LAMA4: variants seen among roughly 807,000 people sequenced by gnomAD.
The protein encoded by LAMA4 is laminin subunit alpha-4.
A neutral mutation model predicts 207.1 loss-of-function variants in LAMA4; 127 were observed. The ratio of observed to expected loss-of-function variants is 0.61; its 90% confidence interval spans 0.53 to 0.71. LAMA4 has a LOEUF of 0.71. Ranked by LOEUF, LAMA4 falls within the 30% of genes least tolerant of loss-of-function variation. LAMA4 has a pLI of 0.00. For synonymous variants in LAMA4, 761 were observed against 816.0 expected (o/e 0.93, Z 1.15); for missense variants, 2,093 against 2,246.5 (o/e 0.93, Z 1.38).
intron 14 of LAMA4, among the ~76,000 whole-genome samples, chr6:112,156,400 T>C (rs782626938): frequency 7.9e-5 from 12 of 152,212 alleles, no homozygotes; most frequent in Admixed American, 2.0e-4. Context: ...AAATGCTTGG[T>C]ATACCATGCC....
At chr6:112,155,818 T>C in intron 14 of LAMA4, 112 bp from the exon 15 acceptor site, 1 of 1,275,470 alleles carries the variant, frequency 7.8e-7, no homozygotes, top group Admixed American at 1.7e-5. Flanking sequence ...TCCTTCCTGT[T>C]ATTCAAAGTC....
At chr6:112,111,629 G>A (rs1777701125) in intron 38 of LAMA4, among the ~76,000 whole-genome samples, 1 of 152,218 alleles carries the variant, frequency 6.6e-6, no homozygotes, top group Non-Finnish European at 1.5e-5. Context: ...TCATCTTAAA[G>A]TATAGTTGCT....
At chr6:112,186,932 T>G (rs1782719937) in intron 8 of LAMA4, 2 of 452,724 alleles carry the variant, frequency 4.4e-6, no homozygotes, top group Non-Finnish European at 8.8e-6. Context: ...AAGGTGTGTG[T>G]GAATGTCTGC....
At chr6:112,198,877 A>C (rs956584809) in intron 5 of LAMA4, among the ~76,000 whole-genome samples, 4 of 152,142 alleles carry the variant, frequency 2.6e-5, no homozygotes, top group Admixed American at 2.6e-4. Flanking sequence ...GTATTATCTC[A>C]TAACAGTTTT....
At chr6:112,216,136 T>C (rs1784613525) in intron 3 of LAMA4, among the ~76,000 whole-genome samples, 1 of 152,192 alleles carries the variant, frequency 6.6e-6, no homozygotes, top group African/African-American at 2.4e-5. Context: ...CTGAGGGTGG[T>C]GGGGCAGGAG....
intron 2 of LAMA4, among the ~76,000 whole-genome samples, chr6:112,224,725 G>T (rs1175439852): frequency 6.6e-6 from 1 of 151,138 alleles, no homozygotes; most frequent in Admixed American, 6.6e-5. Flanking sequence ...CTGAGGCAGG[G>T]GAATCACTTG....
At chr6:112,197,051 T>G (rs1783463560) in intron 5 of LAMA4, among the ~76,000 whole-genome samples, 1 of 152,190 alleles carries the variant, frequency 6.6e-6, no homozygotes, top group Non-Finnish European at 1.5e-5. Context: ...TTCCATAGGA[T>G]TTTTGGGGCT....
At chr6:112,159,055 C>T (rs1780897408) in intron 13 of LAMA4, 175 bp from the exon 14 acceptor site, 2 of 593,734 alleles carry the variant, frequency 3.4e-6, no homozygotes, top group Admixed American at 2.9e-5. Context: ...GCATTGCCAG[C>T]TCTTTCTTCT....
chr6:112,251,227 T>C (rs1426811416), intron 2 of LAMA4: 2 of 152,228 alleles, frequency 1.3e-5, no homozygotes, highest in African/African-American at 4.8e-5. Flanking sequence ...GACTTCCTTT[T>C]TGGTCAGCCA....
At chr6:112,148,835 A>G (rs574563056) in intron 17 of LAMA4, among the ~76,000 whole-genome samples, 184 of 151,898 alleles carry the variant, frequency 1.2e-3, no homozygotes, top group Non-Finnish European at 3.2e-4. Context: ...AGGGGATGGG[A>G]TTATAGGTGA....
At chr6:112,127,158 T>C (rs1778744511) in intron 31 of LAMA4, among the ~76,000 whole-genome samples, 1 of 152,116 alleles carries the variant, frequency 6.6e-6, no homozygotes, top group South Asian at 2.1e-4. Flanking sequence ...GCTTATTATA[T>C]GTCAGGGAAC....
chr6:112,115,328 C>T (rs1457989048), intron 36 of LAMA4, among the ~76,000 whole-genome samples: 1 of 152,100 alleles, frequency 6.6e-6, no homozygotes, highest in Non-Finnish European at 1.5e-5. Context: ...GTTAAGTTAG[C>T]AGCATCAATG....
Position 112,122,050 on chromosome 6 carries a change from T to G in LAMA4, c.4439A>C (p.Gln1480Pro). 6.2e-7 allele frequency: 1 copy of G among 1,614,022 alleles called. No individual in the cohort carries two copies. The highest frequency in any genetic ancestry group is 8.5e-7 in the Non-Finnish European group (1 of 1,179,928). The change falls in exon 32 of 39, where the codon CAA becomes CCA. Residue 1480 changes from glutamine to proline, a missense_variant. This residue lies in a region of LAMA4 where 383 missense variants were observed against 437.8 expected (regional missense o/e 0.87). Coordinates refer to ENST00000230538, the MANE Select transcript of LAMA4 (RefSeq NM_001105206.3). Reference sequence around the variant, plus strand: ...ATCTCCTTTTAAGTGTTCAAACTCTTGGCGGCTGTTGGCTGTTCCTCCATA... The same window carrying G: ...ATCTCCTTTTAAGTGTTCAAACTCTGGGCGGCTGTTGGCTGTTCCTCCATA... ...YQYGGTANSR[Q>P]EFEHLKGDFG...
rs1340648146 is a variant in LAMA4, at chr6:112,108,909, C to T, written c.*528G>A. On this transcript the variant is annotated 3_prime_UTR_variant, in exon 39 of 39. Coordinates refer to ENST00000230538, the MANE Select transcript of LAMA4 (RefSeq NM_001105206.3). Reference sequence around the variant, plus strand: ...TTACTTTATTAAACCTTGATAACTTCAGCTATAAACCTAAAATATTCTTCT... The same window carrying T: ...TTACTTTATTAAACCTTGATAACTTTAGCTATAAACCTAAAATATTCTTCT... 1 of 152,958 alleles carries T rather than the reference C, an allele frequency of 6.5e-6. No homozygotes were observed. The highest frequency in any genetic ancestry group is 1.5e-5 in the Non-Finnish European group (1 of 68,622). 9.5% of individuals were successfully genotyped at this position (152,958 alleles called of 1,614,324 possible). A position where few individuals can be genotyped will look rare whatever the true frequency, so the allele number is the denominator to read the frequency against.
Position 112,158,895 on chromosome 6 carries a change from T to G in LAMA4, c.1669-15A>C. On this transcript the variant is annotated splice_polypyrimidine_tract_variant and intron_variant, in intron 13 of 38. Coordinates refer to ENST00000230538, the MANE Select transcript of LAMA4 (RefSeq NM_001105206.3). ...CCTGACGCATTCTAAAGAAAAAAATTTTAATAAATACATTGAATTTAGAAG... is the reference window on the plus strand; with the variant it reads ...CCTGACGCATTCTAAAGAAAAAAATGTTAATAAATACATTGAATTTAGAAG... 1 of 1,561,014 alleles carries G rather than the reference T, an allele frequency of 6.4e-7. No individual in the cohort carries two copies. Among genetic ancestry groups the G allele is most frequent in the Non-Finnish European group, 8.8e-7 (1 of 1,133,074 alleles).
chr6:112,213,195 C>T (rs917369942), intron 3 of LAMA4, among the ~76,000 whole-genome samples: 7 of 152,150 alleles, frequency 4.6e-5, no homozygotes, highest in African/African-American at 1.7e-4. Flanking sequence ...GGTCATTGGG[C>T]TCCTGGCTTT....
chr6:112,140,680 C>T, intron 22 of LAMA4, 80 bp downstream of exon 22: 1 of 1,354,736 alleles, frequency 7.4e-7, no homozygotes, highest in Non-Finnish European at 1.0e-6. Context: ...CAGCAACCCC[C>T]AAGTCATTAT....
chr6:112,140,665 G>A, intron 22 of LAMA4, 95 bp downstream of exon 22: 2 of 1,155,686 alleles, frequency 1.7e-6, no homozygotes, highest in Admixed American at 3.9e-5. Flanking sequence ...CTCTTAAAGT[G>A]ATATCAGCAA....
chr6:112,200,829 C>T (rs1466019282), intron 5 of LAMA4, among the ~76,000 whole-genome samples: 1 of 151,368 alleles, frequency 6.6e-6, no homozygotes, highest in Non-Finnish European at 1.5e-5. Context: ...GGGAGTTGAA[C>T]AATGAGAACA....
Sources: gnomAD v4.1 joint callset for allele counts (sites outside exome capture counted in the v4.1 genomes callset) on GRCh38, gnomAD v4.1.1 for gene constraint, gnomAD v4.1.1 regional missense constraint, MANE v1.5 for transcripts, NCBI Gene and HGNC (gene_info 2026-07-23, HGNC 2026-07-21) for gene names.